The following DPP6 variants were observed in gnomAD, a reference collection of about 807,000 sequenced individuals.
DPP6 encodes dipeptidyl peptidase like 6.
A neutral mutation model predicts 122.6 loss-of-function variants in DPP6; 69 were observed. The ratio of observed to expected loss-of-function variants is 0.56; its 90% CI spans 0.46 to 0.69. The LOEUF is 0.69. DPP6 is among the 30% of genes least tolerant of loss of function. DPP6 has a pLI of 0.00. For missense variants in DPP6, 928 were observed against 1,116.9 expected, an observed-to-expected ratio of 0.83 and a Z score of 2.41; for synonymous variants, 418 against 433.1, an observed-to-expected ratio of 0.97 and a Z score of 0.43.
At chr7:154,787,562 C>G (rs1015285621) in intron 10 of DPP6, among the ~76,000 whole-genome samples, 4 of 152,178 alleles carry the variant, frequency 2.6e-5, no homozygotes, top group Admixed American at 6.5e-5. Context: ...CTTTTTAAAA[C>G]CACCTATCTA....
chr7:153,961,045 T>A (rs1212700454), intron 1 of DPP6, among the ~76,000 whole-genome samples: 2 of 150,334 alleles, frequency 1.3e-5, no homozygotes, highest in East Asian at 2.0e-4. Flanking sequence ...TACATGTGAT[T>A]ATCCCTAACA....
chr7:154,608,767 T>G (rs1056348591), intron 5 of DPP6, among the ~76,000 whole-genome samples: 1 of 152,204 alleles, frequency 6.6e-6, no homozygotes, highest in Admixed American at 6.5e-5. Context: ...TACTGATTTA[T>G]ACAGCTTAAT....
At chr7:154,507,677 C>T (rs1474445567) in intron 3 of DPP6, among the ~76,000 whole-genome samples, 1 of 152,290 alleles carries the variant, frequency 6.6e-6, no homozygotes, top group East Asian at 1.9e-4. Flanking sequence ...GGTTTGATGT[C>T]ATCTCACCAA....
chr7:154,055,261 G>A (rs1800723395), intron 1 of DPP6, among the ~76,000 whole-genome samples: 1 of 137,372 alleles, frequency 7.3e-6, no homozygotes, highest in South Asian at 2.6e-4. Flanking sequence ...CCTTTAAATT[G>A]TATAATTAAA....
chr7:154,872,517 C>A, intron 18 of DPP6, 107 bp from the exon 19 acceptor site: 2 of 1,477,102 alleles, frequency 1.4e-6, no homozygotes, highest in Non-Finnish European at 1.8e-6. Context: ...GGCTTCCCCT[C>A]AGGCCCCACC....
chr7:154,309,283 C>T (rs1316138369), intron 1 of DPP6, among the ~76,000 whole-genome samples: 1 of 152,154 alleles, frequency 6.6e-6, no homozygotes, highest in Admixed American at 6.5e-5. Context: ...TTTGTTGCTT[C>T]TCAGTTTTCT....
intron 1 of DPP6, among the ~76,000 whole-genome samples, chr7:154,401,247 C>G (rs964193308): frequency 6.6e-6 from 1 of 151,908 alleles, no homozygotes; most frequent in Non-Finnish European, 1.5e-5. Context: ...CTGGCTGCCC[C>G]CTTTGGAAAC....
chr7:154,479,973 C>A (rs574258720), intron 3 of DPP6, among the ~76,000 whole-genome samples: 9 of 152,262 alleles, frequency 5.9e-5, no homozygotes, highest in African/African-American at 2.2e-4. Flanking sequence ...GTCCTGTCAA[C>A]TGGCCTCAAC....
chr7:154,819,145 T>C (rs1344473036), intron 16 of DPP6, among the ~76,000 whole-genome samples: 1 of 152,206 alleles, frequency 6.6e-6, no homozygotes, highest in African/African-American at 2.4e-5. Flanking sequence ...CTGGGCATGG[T>C]GACTCACGCC....
At chr7:154,621,608 C>T (rs893584996) in intron 5 of DPP6, among the ~76,000 whole-genome samples, 1 of 152,204 alleles carries the variant, frequency 6.6e-6, no homozygotes, top group African/African-American at 2.4e-5. Context: ...CTCAGGTGAT[C>T]CGCCCACCTT....
At chr7:154,405,457 C>T (rs755996843) in intron 1 of DPP6, among the ~76,000 whole-genome samples, 1 of 152,098 alleles carries the variant, frequency 6.6e-6, no homozygotes, top group African/African-American at 2.4e-5. Flanking sequence ...ATTACATATT[C>T]CTTTAGGAGC....
rs569820542 is a variant in DPP6 at position 154,014,727 on chromosome 7, T to C, written c.51+126993T>C. On this transcript the variant is annotated intron_variant, in intron 1 of 25. Transcript: ENST00000404039. ...CTAGCTACTCTGCTTGTATTTTTTG[T>C]TTCTGTCCATCCTCTTACTTGATAC... Among the ~76,000 whole-genome samples, 11 of 152,160 alleles carry C rather than the reference T, an allele frequency of 7.2e-5. No homozygotes were observed. The South Asian group carries it at 2.1e-3, about 29-fold the overall frequency.
chr7:154,451,114 G>T (rs575570502), intron 2 of DPP6, among the ~76,000 whole-genome samples: 155 of 152,186 alleles, frequency 1.0e-3, no homozygotes, highest in African/African-American at 3.7e-3. Flanking sequence ...TGTAATCCCA[G>T]CACTTTAGGA....
At position 154,732,184 on chromosome 7, in the gene DPP6, C is replaced by T. The variant is rs185478341; in HGVS notation, c.883+4297C>T. Among the ~76,000 whole-genome samples, 13 of 147,270 alleles carry T rather than the reference C, an allele frequency of 8.8e-5. No homozygotes were observed. In the East Asian group the frequency reaches 2.0e-3, roughly 23 times the overall value. ...CTCCTGAGTAGCTGGGACTAACAGG[C>T]GCCTGCCACCATGCCCGGCTAATTT... On this transcript the variant is annotated intron_variant, in intron 8 of 25. Coordinates refer to ENST00000377770, the MANE Select transcript of DPP6 (RefSeq NM_130797.4).
At chr7:154,461,179 T>C (rs1228061849) in intron 2 of DPP6, among the ~76,000 whole-genome samples, 1 of 152,222 alleles carries the variant, frequency 6.6e-6, no homozygotes, top group Non-Finnish European at 1.5e-5. Flanking sequence ...ATTCATGTTG[T>C]TGCAAATGAC....
At chr7:154,407,109 G>A (rs934284351) in intron 1 of DPP6, among the ~76,000 whole-genome samples, 1 of 152,152 alleles carries the variant, frequency 6.6e-6, no homozygotes, top group Non-Finnish European at 1.5e-5. Context: ...ACACTCCAGG[G>A]AGATAACAGA....
chr7:154,300,221 TACCTATGCCCAGTGACTACAGAGAAG>T (rs1805816014), intron 1 of DPP6, among the ~76,000 whole-genome samples: 1 of 152,042 alleles, frequency 6.6e-6, no homozygotes, highest in Admixed American at 6.5e-5. Context: ...CTCCAGGGGG[TACCTATGCCCAGTGACTACAGAGAAG>T]ACCCGTCTTG....
At position 154,235,378 on chromosome 7, in the gene DPP6, A is replaced by T. The variant is rs577746237; in HGVS notation, c.243+182315A>T. 1.1e-3 allele frequency among the ~76,000 whole-genome samples: 173 copies of T among 152,300 alleles called. No individual in the cohort carries two copies. In the Middle Eastern group the frequency reaches 0.024, roughly 21 times the overall value. On this transcript the variant is annotated intron_variant, in intron 1 of 25. Transcript: ENST00000377770. The stretch of plus-strand genomic sequence containing the variant: ...CATGCCTTTCTATTGTCAAATAACG[A>T]CACAGTGTTTTACAACCCCTTTCCA...
chr7:154,470,187 C>G (rs868038148), intron 2 of DPP6, among the ~76,000 whole-genome samples: 2 of 152,300 alleles, frequency 1.3e-5, no homozygotes, highest in Middle Eastern at 3.4e-3. Flanking sequence ...GTTTTGAAAA[C>G]ACCTAGTGCT....
Sources: gnomAD v4.1 joint callset for allele counts (sites outside exome capture counted in the v4.1 genomes callset) on GRCh38, gnomAD v4.1.1 for gene constraint, MANE v1.5 for transcripts, NCBI Gene and HGNC (gene_info 2026-07-23, HGNC 2026-07-21) for gene names.